The following ADGRG5 variants were observed in gnomAD, a reference collection of about 807,000 sequenced individuals.
ADGRG5 encodes the protein G protein-coupled receptor 114.
ADGRG5 carries 37 observed loss-of-function variants against 53.2 expected under a neutral mutation model. The ratio of observed to expected loss-of-function variants is 0.70; its 90% CI spans 0.53 to 0.91. The LOEUF is 0.91. ADGRG5 is among the 40% of genes least tolerant of loss of function. The pLI is 0.00. For synonymous variants in ADGRG5, 277 were observed against 290.4 expected (o/e 0.95, Z 0.47); for missense variants, 614 against 675.8 (o/e 0.91, Z 1.01).
At chr16:57,529,084 T>A in the ADGRG5 span, 2 of 1,168,458 alleles carry the variant, frequency 1.7e-6, no homozygotes, top group Middle Eastern at 3.4e-4. The surrounding 1 kb of genome is among the most constrained non-coding windows in gnomAD (Gnocchi z 4.1). Context: ...GCAGGCCCCA[T>A]GCGCTCCGGC....
intron 9 of ADGRG5, among the ~76,000 whole-genome samples, chr16:57,568,615 TCCACCTCCA>T (rs2033219046): frequency 7.0e-6 from 1 of 143,882 alleles, no homozygotes; most frequent in Admixed American, 6.9e-5. Flanking sequence ...CATCACCTCC[TCCACCTCCA>T]CCACCTCTTC....
At chr16:57,564,902 G>A (rs2033094472) in intron 5 of ADGRG5, 132 bp from the exon 6 acceptor site, 1 of 644,788 alleles carries the variant, frequency 1.6e-6, no homozygotes, top group Non-Finnish European at 2.8e-6. Flanking sequence ...GAGGCTGGGA[G>A]GCTGAGAAAG....
chr16:57,529,766 C>T, the ADGRG5 span, among the ~76,000 whole-genome samples: 1 of 152,160 alleles, frequency 6.6e-6, no homozygotes, highest in African/African-American at 2.4e-5. This position sits in a 1 kb window ranked among gnomAD's most constrained non-coding sequence, Gnocchi z 4.1. Context: ...CACTTCAGGC[C>T]AGGTCCATCA....
intron 9 of ADGRG5, among the ~76,000 whole-genome samples, chr16:57,569,055 C>T (rs1177815415): frequency 2.6e-5 from 4 of 151,364 alleles, no homozygotes; most frequent in African/African-American, 7.3e-5. Flanking sequence ...CCTCCGTTAT[C>T]GCCATCACCT....
chr16:57,566,553 C>T (rs771471692), intron 6 of ADGRG5, 46 bp from the exon 7 acceptor site: 6 of 1,392,342 alleles, frequency 4.3e-6, no homozygotes, highest in Non-Finnish European at 5.6e-6. Context: ...CACTGATCTG[C>T]AGCCTTTCCT....
chr16:57,558,468 C>T (rs1391803619), intron 1 of ADGRG5, among the ~76,000 whole-genome samples: 1 of 152,228 alleles, frequency 6.6e-6, no homozygotes, highest in Non-Finnish European at 1.5e-5. Context: ...GTCCCTTCTC[C>T]AGCAGTAGAC....
chr16:57,540,854 G>A (rs1446541311), upstream of ADGRG5, among the ~76,000 whole-genome samples: 1 of 152,100 alleles, frequency 6.6e-6, no homozygotes, highest in Admixed American at 6.5e-5. Context: ...GCAGTGGTGC[G>A]ATCTCGGCTC....
In ADGRG5 at chr16:57,565,097, G is replaced by A. The variant is rs756738532; in HGVS notation, c.493G>A (p.Val165Met). ...VLGAQLSHGH[V>M]NNLRDPVNIS... ...GGGGGCCCAGCTGAGTCATGGGCAC[G>A]TGAACAACCTCAGGGATCCTGTGAA... The change falls in exon 6 of 12, where the codon GTG becomes ATG. Residue 165 changes from valine to methionine, a missense_variant. Transcript: ENST00000349457. 47 of 1,613,802 alleles carry A rather than the reference G, an allele frequency of 2.9e-5. No individual in the cohort carries two copies. The highest frequency in any genetic ancestry group is 8.8e-5 in the South Asian group (8 of 91,078).
At position 57,553,480 on chromosome 16, in the gene ADGRG5, C is replaced by T. The variant is rs527605010; in HGVS notation, c.-38-8576C>T. On this transcript the variant is annotated intron_variant, in intron 1 of 11. Transcript: ENST00000349457. ...CTTTGCATCTTTGTCAAAAATTAAT[C>T]GACAAAAATCAATATATGAACAAAT... Among the ~76,000 whole-genome samples the T allele has an allele frequency of 1.1e-4, 16 of 152,256 alleles. No individual in the cohort carries two copies. The East Asian group carries it at 1.7e-3, about 17-fold the overall frequency.
At chr16:57,539,368 T>G (rs1269769832), upstream of ADGRG5, among the ~76,000 whole-genome samples, 4 of 151,894 alleles carry the variant, frequency 2.6e-5, no homozygotes, top group African/African-American at 9.7e-5. Context: ...AGTTTCAGTT[T>G]GAGAATATGA....
At chr16:57,568,253 T>C in intron 9 of ADGRG5, 129 bp downstream of exon 9, 2 of 862,042 alleles carry the variant, frequency 2.3e-6, no homozygotes, top group Non-Finnish European at 3.6e-6. Context: ...CTGTGAACTC[T>C]GTCTACACCC....
the ADGRG5 span, among the ~76,000 whole-genome samples, chr16:57,530,842 C>T: frequency 1.3e-5 from 2 of 152,066 alleles, no homozygotes; most frequent in African/African-American, 2.4e-5. Context: ...GTCTCCACTC[C>T]GTCTACCTGC....
At chr16:57,563,811 C>G (rs1232413778) in intron 4 of ADGRG5, 37 bp from the exon 5 acceptor site, 5 of 1,611,764 alleles carry the variant, frequency 3.1e-6, no homozygotes, top group Non-Finnish European at 4.2e-6. Flanking sequence ...GTCTCCAGGT[C>G]CTGGTTGCCA....
At chr16:57,530,420 C>T in the ADGRG5 span, among the ~76,000 whole-genome samples, 2 of 152,158 alleles carry the variant, frequency 1.3e-5, no homozygotes, top group African/African-American at 4.8e-5. Flanking sequence ...AGGCAGAGAG[C>T]CCTGGTCCAC....
chr16:57,567,403 T>C, intron 7 of ADGRG5, 67 bp from the exon 8 acceptor site: 6 of 1,568,470 alleles, frequency 3.8e-6, no homozygotes, highest in Admixed American at 1.7e-5. Context: ...AGGAGGTCCC[T>C]CTGACTGAGG....
intron 1 of ADGRG5, among the ~76,000 whole-genome samples, chr16:57,559,516 T>C (rs2032955536): frequency 6.6e-6 from 1 of 152,222 alleles, no homozygotes; most frequent in Non-Finnish European, 1.5e-5. Flanking sequence ...GTTACCCTTG[T>C]GTCTGGGGCT....
intron 4 of ADGRG5, 68 bp downstream of exon 4, chr16:57,563,315 T>C: frequency 1.4e-6 from 2 of 1,392,336 alleles, no homozygotes; most frequent in South Asian, 1.2e-5. Flanking sequence ...GCATTTAAGG[T>C]CTGGACTTTC....
intron 1 of ADGRG5, among the ~76,000 whole-genome samples, chr16:57,554,599 A>G (rs2032836604): frequency 6.6e-6 from 1 of 151,982 alleles, no homozygotes. Flanking sequence ...GATGGTCTCA[A>G]TCTCCTGACT....
intron 1 of ADGRG5, among the ~76,000 whole-genome samples, chr16:57,560,539 C>A (rs1360674054): frequency 3.3e-5 from 5 of 152,144 alleles, no homozygotes; most frequent in Admixed American, 2.0e-4. Flanking sequence ...TGCCTTGGGG[C>A]ATAACCCTGG....
Sources: gnomAD v4.1 joint callset for allele counts (sites outside exome capture counted in the v4.1 genomes callset) on GRCh38, gnomAD v4.1.1 for gene constraint, Gnocchi (gnomAD v3.1) non-coding constraint, MANE v1.5 for transcripts, NCBI Gene and HGNC (gene_info 2026-07-23, HGNC 2026-07-21) for gene names.